The following CNTN5 variants were observed in gnomAD, a reference collection of about 807,000 sequenced individuals.
The protein encoded by CNTN5 is contactin 5.
A neutral mutation model predicts 129.1 loss-of-function variants in CNTN5; 77 were observed. That is an observed-to-expected ratio of 0.60 (90% confidence interval 0.50 to 0.72). The LOEUF is 0.72. Among genes scored for constraint, CNTN5 ranks in the 30% least tolerant of loss-of-function variants. The pLI, the probability that CNTN5 is intolerant of heterozygous loss-of-function variation, is 0.00. For synonymous variants in CNTN5, 509 were observed against 465.6 expected, an observed-to-expected ratio of 1.09 and a Z score of -1.20; for missense variants, 1,478 against 1,328.8, an observed-to-expected ratio of 1.11 and a Z score of -1.75.
intron 3 of CNTN5, among the ~76,000 whole-genome samples, chr11:99,798,116 A>T (rs1946004141): frequency 6.6e-6 from 1 of 151,672 alleles, no homozygotes; most frequent in East Asian, 1.9e-4. Flanking sequence ...CTCCTACCCT[A>T]CCCCGTCTGA....
At chr11:99,226,496 A>C (rs1461683) in intron 1 of CNTN5, among the ~76,000 whole-genome samples, 532 of 152,220 alleles carry the variant, frequency 3.5e-3, no homozygotes, top group African/African-American at 0.012. Flanking sequence ...ACCTGACCTC[A>C]TTTGTACTGT....
chr11:99,353,154 A>C (rs954981735), intron 2 of CNTN5, among the ~76,000 whole-genome samples: 1 of 152,064 alleles, frequency 6.6e-6, no homozygotes, highest in Admixed American at 6.5e-5. Flanking sequence ...CAATCTAGCT[A>C]TTTCTCTCCA....
At chr11:100,070,356 T>C in intron 10 of CNTN5, 68 bp from the exon 11 acceptor site, 1 of 1,479,182 alleles carries the variant, frequency 6.8e-7, no homozygotes, top group Admixed American at 2.1e-5. Flanking sequence ...TTTTTCCATG[T>C]AAATTTTAAA....
chr11:99,146,744 T>A (rs1035101839), intron 1 of CNTN5, among the ~76,000 whole-genome samples: 1 of 152,148 alleles, frequency 6.6e-6, no homozygotes, highest in African/African-American at 2.4e-5. Context: ...TTTTTTAAGC[T>A]GGGGTCTCAT....
intron 15 of CNTN5, among the ~76,000 whole-genome samples, chr11:100,194,384 G>A (rs530281705): frequency 2.0e-5 from 3 of 151,992 alleles, no homozygotes; most frequent in Non-Finnish European, 2.9e-5. Flanking sequence ...GAAAAAGAGC[G>A]ACTTTGGCTG....
At chr11:99,849,586 G>T (rs1281062544) in intron 6 of CNTN5, among the ~76,000 whole-genome samples, 1 of 152,004 alleles carries the variant, frequency 6.6e-6, no homozygotes, top group African/African-American at 2.4e-5. Flanking sequence ...ATATTAGATA[G>T]CACCAAATAA....
intron 1 of CNTN5, among the ~76,000 whole-genome samples, chr11:99,230,278 C>A (rs78157018): frequency 2.0e-5 from 3 of 151,804 alleles, no homozygotes; most frequent in Non-Finnish European, 4.4e-5. Flanking sequence ...ACAAAAATGA[C>A]GAAAGCATTT....
intron 3 of CNTN5, among the ~76,000 whole-genome samples, chr11:99,669,374 T>G (rs1186508846): frequency 6.6e-6 from 1 of 152,116 alleles, no homozygotes; most frequent in East Asian, 1.9e-4. Context: ...TGGCTATTTC[T>G]CATTTCAAAC....
chr11:100,248,641 A>C (rs1223371866), intron 16 of CNTN5, among the ~76,000 whole-genome samples: 9 of 152,224 alleles, frequency 5.9e-5, no homozygotes, highest in African/African-American at 1.7e-4. Context: ...ACAGTAATGT[A>C]TAACAATAGG....
At chr11:100,063,342 A>G (rs1189329329) in intron 10 of CNTN5, among the ~76,000 whole-genome samples, 1 of 152,094 alleles carries the variant, frequency 6.6e-6, no homozygotes, top group African/African-American at 2.4e-5. Context: ...CCATCTGGGT[A>G]AAGACAAACC....
intron 13 of CNTN5, among the ~76,000 whole-genome samples, chr11:100,110,331 C>G (rs9666777): frequency 6.6e-6 from 1 of 151,702 alleles, no homozygotes. Context: ...TAAAGGAACA[C>G]TATTTAAACA....
At chr11:99,725,425 T>A (rs753042015) in intron 3 of CNTN5, among the ~76,000 whole-genome samples, 1 of 151,678 alleles carries the variant, frequency 6.6e-6, no homozygotes, top group African/African-American at 2.4e-5. Flanking sequence ...TTAATTATAT[T>A]AAATTTTTAT....
intron 2 of CNTN5, among the ~76,000 whole-genome samples, chr11:99,421,791 G>C: frequency 6.6e-6 from 1 of 151,886 alleles, no homozygotes; most frequent in East Asian, 1.9e-4. Flanking sequence ...AAATGTTTTG[G>C]TTTCTCTGAA....
intron 3 of CNTN5, among the ~76,000 whole-genome samples, chr11:99,689,240 C>G (rs139417631): frequency 1.1e-4 from 17 of 152,006 alleles, no homozygotes; most frequent in African/African-American, 4.1e-4. Context: ...TAAAAGCATT[C>G]CTGAGGGCCG....
intron 1 of CNTN5, among the ~76,000 whole-genome samples, chr11:99,234,775 A>C (rs1047095316): frequency 6.6e-6 from 1 of 152,060 alleles, no homozygotes; most frequent in Non-Finnish European, 1.5e-5. Flanking sequence ...AAGTAAATAA[A>C]TAATAACCTT....
intron 2 of CNTN5, among the ~76,000 whole-genome samples, chr11:99,328,549 T>C (rs907802909): frequency 6.6e-6 from 1 of 152,118 alleles, no homozygotes; most frequent in African/African-American, 2.4e-5. Context: ...CAGTATTTTA[T>C]AGGAAAATTT....
intron 6 of CNTN5, among the ~76,000 whole-genome samples, chr11:99,859,168 A>T (rs1039715027): frequency 6.6e-6 from 1 of 152,186 alleles, no homozygotes; most frequent in African/African-American, 2.4e-5. Flanking sequence ...AATCATCTGA[A>T]CCATCCTGAG....
At chr11:100,072,533 G>C (rs1943962194) in intron 12 of CNTN5, among the ~76,000 whole-genome samples, 1 of 152,134 alleles carries the variant, frequency 6.6e-6, no homozygotes, top group South Asian at 2.1e-4. Flanking sequence ...CTGGTTCAGG[G>C]ATGTTTGTAA....
At chr11:99,103,059 G>A (rs531895744) in intron 1 of CNTN5, among the ~76,000 whole-genome samples, 5 of 152,218 alleles carry the variant, frequency 3.3e-5, no homozygotes, top group South Asian at 2.1e-4. Context: ...AGAACCAAGC[G>A]AAAGGGGTTT....
Sources: gnomAD v4.1 joint callset for allele counts (sites outside exome capture counted in the v4.1 genomes callset) on GRCh38, gnomAD v4.1.1 for gene constraint, MANE v1.5 for transcripts, NCBI Gene and HGNC (gene_info 2026-07-23, HGNC 2026-07-21) for gene names.